Variants in GXYLT2 observed in about 807,000 individuals in gnomAD.
GXYLT2 encodes glucoside xylosyltransferase 2.
A neutral mutation model predicts 45.8 loss-of-function variants in GXYLT2; 53 were observed. The observed-to-expected ratio is 1.16, with a 90% confidence interval of 0.93 to 1.46. The LOEUF (loss-of-function observed/expected upper bound fraction) is 1.46, where lower values mean the gene tolerates loss of function less well. GXYLT2 is among the 40% of genes most tolerant of loss of function. GXYLT2 has a pLI of 0.00. For missense variants in GXYLT2, 551 were observed against 544.4 expected, an observed-to-expected ratio of 1.01 and a Z score of -0.12; for synonymous variants, 219 against 214.2, an observed-to-expected ratio of 1.02 and a Z score of -0.19.
At chr3:72,891,205 G>C (rs1709174932) in intron 1 of GXYLT2, among the ~76,000 whole-genome samples, 1 of 152,138 alleles carries the variant, frequency 6.6e-6, no homozygotes. Flanking sequence ...AAGGCTACGT[G>C]ATCTCATTTC....
intron 1 of GXYLT2, among the ~76,000 whole-genome samples, chr3:72,906,696 G>C (rs11924081): frequency 0.054 from 8,204 of 152,220 alleles, 718 homozygotes; most frequent in African/African-American, 0.18. Flanking sequence ...AAGGAAAAGA[G>C]GGCAAAGAAG....
intron 3 of GXYLT2, among the ~76,000 whole-genome samples, chr3:72,923,701 G>A (rs1709871300): frequency 6.6e-6 from 1 of 152,152 alleles, no homozygotes. Flanking sequence ...ATAATTAGAA[G>A]TATGACCAGT....
At chr3:72,965,091 T>G (rs879628863) in intron 5 of GXYLT2, among the ~76,000 whole-genome samples, 5 of 152,228 alleles carry the variant, frequency 3.3e-5, no homozygotes, top group Non-Finnish European at 7.3e-5. Flanking sequence ...ACTTAGGGAC[T>G]ATGTATGTGC....
intron 5 of GXYLT2, among the ~76,000 whole-genome samples, chr3:72,961,838 T>A (rs1335632153): frequency 6.6e-6 from 1 of 151,934 alleles, no homozygotes; most frequent in Non-Finnish European, 1.5e-5. Flanking sequence ...TCTAGAAAAC[T>A]GAGATGTGGG....
intron 3 of GXYLT2, among the ~76,000 whole-genome samples, chr3:72,931,020 G>T (rs145334630): frequency 6.6e-6 from 1 of 152,082 alleles, no homozygotes; most frequent in South Asian, 2.1e-4. Context: ...AGTAGAATAC[G>T]TTCTTGTGAG....
intron 3 of GXYLT2, among the ~76,000 whole-genome samples, chr3:72,939,307 C>T (rs926380558): frequency 4.6e-5 from 7 of 151,914 alleles, no homozygotes; most frequent in African/African-American, 1.5e-4. Context: ...ATTAGCCGGG[C>T]GTGGTGGCAC....
chr3:72,918,453 A>G (rs866777142), intron 2 of GXYLT2, among the ~76,000 whole-genome samples: 4 of 152,190 alleles, frequency 2.6e-5, no homozygotes, highest in South Asian at 2.1e-4. Flanking sequence ...CTTGTAATAA[A>G]CAAGTATCCA....
At chr3:72,917,887 A>G (rs909669619) in intron 2 of GXYLT2, among the ~76,000 whole-genome samples, 4 of 152,156 alleles carry the variant, frequency 2.6e-5, no homozygotes, top group Non-Finnish European at 5.9e-5. Flanking sequence ...GTTTTGGTGT[A>G]TATATATAAT....
At chr3:72,959,154 G>C (rs1250225173) in intron 5 of GXYLT2, among the ~76,000 whole-genome samples, 2 of 114,106 alleles carry the variant, frequency 1.8e-5, no homozygotes, top group Admixed American at 1.3e-4. Flanking sequence ...GTCTTGCTCT[G>C]TCACCTAGGC....
chr3:72,923,457 A>T (rs1025210130), intron 3 of GXYLT2, among the ~76,000 whole-genome samples: 11 of 152,182 alleles, frequency 7.2e-5, no homozygotes, highest in African/African-American at 2.7e-4. Flanking sequence ...ATCAAATAAT[A>T]ATAAAAATAT....
chr3:72,956,374 A>G (rs1418000470), intron 4 of GXYLT2, among the ~76,000 whole-genome samples: 3 of 152,174 alleles, frequency 2.0e-5, no homozygotes, highest in African/African-American at 7.2e-5. Context: ...TTTTTATTTT[A>G]TATTTTTGTG....
intron 3 of GXYLT2, among the ~76,000 whole-genome samples, chr3:72,937,328 C>A (rs73838426): frequency 0.014 from 2,191 of 152,196 alleles, 55 homozygotes; most frequent in African/African-American, 0.046. Flanking sequence ...GATGAAAATG[C>A]GTTTTTTACT....
At chr3:72,902,710 G>A (rs1709430870) in intron 1 of GXYLT2, among the ~76,000 whole-genome samples, 1 of 134,360 alleles carries the variant, frequency 7.4e-6, no homozygotes, top group Non-Finnish European at 1.7e-5. Flanking sequence ...AGAAAGGCCA[G>A]GTGCGGTGGC....
At chr3:72,927,427 C>T (rs994145960) in intron 3 of GXYLT2, among the ~76,000 whole-genome samples, 3 of 152,170 alleles carry the variant, frequency 2.0e-5, no homozygotes, top group South Asian at 2.1e-4. Context: ...TTAAAGAGAC[C>T]GGTAACTGGT....
At chr3:72,969,465 CAT>C (rs1216764113) in intron 6 of GXYLT2, among the ~76,000 whole-genome samples, 2 of 151,352 alleles carry the variant, frequency 1.3e-5, no homozygotes, top group Non-Finnish European at 1.5e-5. Flanking sequence ...TAAATAAAGT[CAT>C]ATTGGGAACC....
intron 1 of GXYLT2, among the ~76,000 whole-genome samples, chr3:72,898,835 G>C (rs1263847032): frequency 2.0e-5 from 3 of 152,024 alleles, no homozygotes; most frequent in African/African-American, 7.3e-5. Context: ...GGGTTAAAGT[G>C]ATTCTCCTGC....
chr3:72,928,251 T>C (rs1397675999), intron 3 of GXYLT2, among the ~76,000 whole-genome samples: 3 of 152,224 alleles, frequency 2.0e-5, no homozygotes, highest in African/African-American at 7.2e-5. Flanking sequence ...CTAAATACTT[T>C]GGAAATTGTC....
In GXYLT2 at chr3:72,930,050, C is replaced by T. The variant is rs938676173; in HGVS notation, c.600+7715C>T. Reference sequence around the variant, plus strand: ...GCGTGGTGGCGTGCACCTGTAATCCCAGCTACTCGAGAGGGTGAGCCAGGA... The same window carrying T: ...GCGTGGTGGCGTGCACCTGTAATCCTAGCTACTCGAGAGGGTGAGCCAGGA... On this transcript the variant is annotated intron_variant, in intron 3 of 6. Transcript: ENST00000389617. Among the ~76,000 whole-genome samples, 5 of 151,398 alleles carry T rather than the reference C, an allele frequency of 3.3e-5. No individual in the cohort carries two copies. In the South Asian group the frequency reaches 8.4e-4, roughly 25 times the overall value.
intron 3 of GXYLT2, among the ~76,000 whole-genome samples, chr3:72,944,746 C>T (rs1027992646): frequency 1.3e-5 from 2 of 152,076 alleles, no homozygotes; most frequent in African/African-American, 2.4e-5. Flanking sequence ...CTGCTTGAAT[C>T]TGAATGACAA....
Sources: gnomAD v4.1 joint callset for allele counts (sites outside exome capture counted in the v4.1 genomes callset) on GRCh38, gnomAD v4.1.1 for gene constraint, MANE v1.5 for transcripts, NCBI Gene and HGNC (gene_info 2026-07-23, HGNC 2026-07-21) for gene names.